The following ASXL2 variants were observed in gnomAD, a reference collection of about 807,000 sequenced individuals.
The protein encoded by ASXL2 is putative Polycomb group protein ASXL2.
Under a neutral mutation model 122.0 loss-of-function variants are expected in ASXL2, and 23 were observed. The ratio of observed to expected loss-of-function variants is 0.19; its 90% CI spans 0.14 to 0.27. The LOEUF (loss-of-function observed/expected upper bound fraction) is 0.27. ASXL2 is among the 10% of genes least tolerant of loss of function. ASXL2 has a pLI of 1.00. For synonymous variants in ASXL2, 650 were observed against 637.0 expected, an observed-to-expected ratio of 1.02 and a Z score of -0.31; for missense variants, 1,518 against 1,713.8, an observed-to-expected ratio of 0.89 and a Z score of 2.02.
At chr2:25,803,788 C>G (rs1476536875) in intron 4 of ASXL2, among the ~76,000 whole-genome samples, 2 of 152,208 alleles carry the variant, frequency 1.3e-5, no homozygotes, top group African/African-American at 4.8e-5. Context: ...CTCAGGCAGT[C>G]ATGCTTGCTT....
At position 25,856,480 on chromosome 2, in the gene ASXL2, C is replaced by T. The variant is rs781408830; in HGVS notation, c.58-10917G>A. 52 of 1,031,082 alleles carry T rather than the reference C, an allele frequency of 5.0e-5. No homozygotes were observed. The East Asian group carries it at 8.5e-4, about 17-fold the overall frequency. 63.9% of individuals were successfully genotyped at this position (1,031,082 alleles called of 1,614,324 possible). A position where few individuals can be genotyped will look rare whatever the true frequency, so the allele number is the denominator to read the frequency against. On this transcript the variant is annotated intron_variant, in intron 1 of 12. Coordinates refer to ENST00000435504, the MANE Select transcript of ASXL2 (RefSeq NM_018263.6). The stretch of plus-strand genomic sequence containing the variant: ...AGCTTCTCACTTGGCCTTCGGGTTA[C>T]GGAACTTGTATCCAGCAAAGACAGC...
intron 9 of ASXL2, among the ~76,000 whole-genome samples, chr2:25,759,022 T>C (rs1489695471): frequency 6.6e-6 from 1 of 152,164 alleles, no homozygotes; most frequent in East Asian, 1.9e-4. Context: ...TGGCACTATC[T>C]TGGCTCACTG....
chr2:25,822,810 G>A, intron 3 of ASXL2: 1 of 561,660 alleles, frequency 1.8e-6, no homozygotes, highest in Non-Finnish European at 3.6e-6. Flanking sequence ...TGGTTCAGAT[G>A]AAGACAGGTC....
intron 3 of ASXL2, among the ~76,000 whole-genome samples, chr2:25,835,117 G>A (rs892646345): frequency 6.6e-6 from 1 of 152,038 alleles, no homozygotes; most frequent in African/African-American, 2.4e-5. Flanking sequence ...GAGCCACCAT[G>A]CCCAGCCGAT....
chr2:25,854,915 CAAG>C lies in ASXL2; in HGVS notation c.58-9355_58-9353del, dbSNP rs201508795. Among the ~76,000 whole-genome samples the C allele has an allele frequency of 9.5e-3, 1,452 of 152,256 alleles. 28 individuals are homozygous for C. Among genetic ancestry groups the C allele is most frequent in the African/African-American group, 0.034 (1,397 of 41,534 alleles). On this transcript the variant is annotated intron_variant, in intron 1 of 12. Coordinates refer to ENST00000435504, the MANE Select transcript of ASXL2 (RefSeq NM_018263.6). The stretch of plus-strand genomic sequence containing the variant: ...AGTGTCTGTCTTGAGGAGCTGATGT[CAAG>C]AACAGGCTTACTGTAGAGCACAAGC...
chr2:25,796,995 C>T (rs1046268583), intron 5 of ASXL2, among the ~76,000 whole-genome samples: 1 of 152,118 alleles, frequency 6.6e-6, no homozygotes, highest in African/African-American at 2.4e-5. Context: ...ACTCCCAGAA[C>T]ATAACATAAC....
chr2:25,772,784 G>C (rs1271927674), intron 5 of ASXL2, among the ~76,000 whole-genome samples: 2 of 149,342 alleles, frequency 1.3e-5, no homozygotes, highest in African/African-American at 4.9e-5. Context: ...GCTAGCTACC[G>C]GACATAAAAA....
Position 25,771,493 on chromosome 2 carries a change from C to A in ASXL2, c.451G>T (p.Ala151Ser). The A allele has an allele frequency of 6.2e-7, 1 of 1,613,788 alleles. No individual in the cohort carries two copies. Among genetic ancestry groups the A allele is most frequent in the Non-Finnish European group, 8.5e-7 (1 of 1,179,806 alleles). Residue 151 changes from alanine (A) to serine (S), a missense_variant, in exon 6 of 13, where the codon GCA becomes TCA. By Grantham distance (99) the Ala-to-Ser change is moderately conservative (BLOSUM62 1). Coordinates refer to ENST00000435504, the MANE Select transcript of ASXL2 (RefSeq NM_018263.6). ...QSGCPSPTIP[A>S]GKVISPSQKH... ...TGTGATGGAGAAATGACTTTACCTG[C>A]TGGAATGGTGGGTGATGGGCAGCCT...
intron 8 of ASXL2, among the ~76,000 whole-genome samples, chr2:25,761,260 G>A (rs143345443): frequency 1.6e-3 from 242 of 152,310 alleles, no homozygotes; most frequent in Non-Finnish European, 2.7e-3. Flanking sequence ...TCTAGAAGTG[G>A]AACGTATTCC....
chr2:25,832,803 T>A (rs760188121), intron 3 of ASXL2, among the ~76,000 whole-genome samples: 7 of 152,164 alleles, frequency 4.6e-5, no homozygotes, highest in Non-Finnish European at 1.0e-4. Flanking sequence ...ATGCAACGGA[T>A]AAACAGTTAG....
At chr2:25,861,304 T>C (rs2089841097) in intron 1 of ASXL2, among the ~76,000 whole-genome samples, 1 of 152,006 alleles carries the variant, frequency 6.6e-6, no homozygotes, top group Non-Finnish European at 1.5e-5. Context: ...ACAGTTCCCA[T>C]GAACATTGAA....
intron 8 of ASXL2, 88 bp from the exon 9 acceptor site, chr2:25,759,733 C>T (rs1445727703): frequency 2.2e-6 from 3 of 1,353,816 alleles, no homozygotes; most frequent in African/African-American, 1.5e-5. Flanking sequence ...ATAAAAAATC[C>T]ACAATTGTAA....
chr2:25,867,237 A>G (rs998228909), intron 1 of ASXL2, among the ~76,000 whole-genome samples: 3 of 151,040 alleles, frequency 2.0e-5, no homozygotes, highest in African/African-American at 7.3e-5. Flanking sequence ...GGTTCTATCT[A>G]AAAAAAAATG....
Position 25,741,498 on chromosome 2 carries a change from T to TA in ASXL2, c.*530dup. 8.6e-6 allele frequency: 2 copies of TA among 231,816 alleles called. No homozygotes were observed. The highest frequency in any genetic ancestry group is 1.8e-4 in the South Asian group (1 of 5,660). The allele number at this position is 231,816 out of a possible 1,614,324, so 14.4% of individuals were successfully genotyped here. ...TTCCACCTAAGGTAAAGGGACTGAG[T>TA]AAAACCCTGAATCCAAGTCCTGCAA... On this transcript the variant is annotated 3_prime_UTR_variant, in exon 13 of 13. Coordinates refer to ENST00000435504, the MANE Select transcript of ASXL2 (RefSeq NM_018263.6).
At position 25,786,224 on chromosome 2, in the gene ASXL2, C is replaced by CTAAAAGTAT. The variant is rs1399289385; in HGVS notation, c.403+13160_403+13161insATACTTTTA. ...TCTACTAAAAAGTATCTACAAACAA[C>CTAAAAGTAT]CTACTACTCCACATCATTCTTTTTT... On this transcript the variant is annotated intron_variant, in intron 5 of 12. Transcript: ENST00000435504. 1.7e-4 allele frequency among the ~76,000 whole-genome samples: 25 copies of CTAAAAGTAT among 145,488 alleles called. No individual in the cohort carries two copies. In the Admixed American group the frequency reaches 1.8e-3, roughly 10 times the overall value.
intron 1 of ASXL2, among the ~76,000 whole-genome samples, chr2:25,862,835 A>ACCTCAGGTGATCCACCTGCCTCGGCCTC (rs2089855325): frequency 6.6e-6 from 1 of 151,370 alleles, no homozygotes. Flanking sequence ...TGAACTCCTG[A>ACCTCAGGTGATCCACCTGCCTCGGCCTC]CCTCAGGTGA....
chr2:25,875,493 A>G (rs1036109544), intron 1 of ASXL2, among the ~76,000 whole-genome samples: 2 of 151,882 alleles, frequency 1.3e-5, no homozygotes, highest in Non-Finnish European at 2.9e-5. Flanking sequence ...AAATACAATT[A>G]TAATAATAAT....
At chr2:25,790,947 G>C (rs1389500763) in intron 5 of ASXL2, among the ~76,000 whole-genome samples, 2 of 151,828 alleles carry the variant, frequency 1.3e-5, no homozygotes, top group South Asian at 4.2e-4. Context: ...GGGACTACGG[G>C]TGTGCACCAC....
intron 10 of ASXL2, among the ~76,000 whole-genome samples, chr2:25,754,322 C>T (rs556018337): frequency 6.6e-6 from 1 of 152,312 alleles, no homozygotes; most frequent in South Asian, 2.1e-4. Context: ...GCTTGGTAGG[C>T]CATCTTCAAA....
Sources: gnomAD v4.1 joint callset for allele counts (sites outside exome capture counted in the v4.1 genomes callset) on GRCh38, gnomAD v4.1.1 for gene constraint, MANE v1.5 for transcripts, NCBI Gene and HGNC (gene_info 2026-07-23, HGNC 2026-07-21) for gene names.